Variants in TMEM196 observed in about 807,000 individuals in gnomAD.
The protein encoded by TMEM196 is transmembrane protein 196.
A neutral mutation model predicts 20.0 loss-of-function variants in TMEM196; 17 were observed. The observed-to-expected ratio is 0.85, with a 90% CI of 0.58 to 1.27. The LOEUF is 1.27. Among genes scored for constraint, TMEM196 ranks in the 50% most tolerant of loss-of-function variants. TMEM196 has a pLI of 0.00. For synonymous variants in TMEM196, 113 were observed against 88.9 expected (o/e 1.27, Z -1.52); for missense variants, 267 against 223.0 (o/e 1.20, Z -1.26).
intron 1 of TMEM196, among the ~76,000 whole-genome samples, chr7:19,750,365 A>T (rs1354134116): frequency 1.3e-5 from 2 of 152,262 alleles, no homozygotes; most frequent in African/African-American, 4.8e-5. Flanking sequence ...TTTGGCAGTT[A>T]AAAATGAAAC....
intron 2 of TMEM196, among the ~76,000 whole-genome samples, chr7:19,728,509 G>C (rs1232145610): frequency 6.6e-6 from 1 of 152,160 alleles, no homozygotes; most frequent in African/African-American, 2.4e-5. Flanking sequence ...CACGAAGAAA[G>C]ATGTGATTAG....
rs1032226527 is a variant in TMEM196, at chr7:19,764,820, C to T, written c.147+7730G>A. Among the ~76,000 whole-genome samples the T allele has an allele frequency of 3.3e-5, 5 of 152,194 alleles. No individual in the cohort carries two copies. In the East Asian group the frequency reaches 5.8e-4, roughly 18 times the overall value. The stretch of plus-strand genomic sequence containing the variant: ...GATTGATTGACTGTGCTAGTCTCTT[C>T]CGGAAAATAGATAAAAAGAATGATT... On this transcript the variant is annotated intron_variant, in intron 1 of 4. Coordinates refer to ENST00000405844, the MANE Select transcript of TMEM196 (RefSeq NM_001363562.2).
chr7:19,764,837 A>G (rs1583461648), intron 1 of TMEM196, among the ~76,000 whole-genome samples: 2 of 152,292 alleles, frequency 1.3e-5, no homozygotes, highest in South Asian at 4.1e-4. Context: ...ATAGATAAAA[A>G]GAATGATTGG....
chr7:19,729,134 G>T (rs896789574), intron 2 of TMEM196, among the ~76,000 whole-genome samples: 2 of 152,124 alleles, frequency 1.3e-5, no homozygotes, highest in Non-Finnish European at 2.9e-5. Context: ...GTCATTAAAG[G>T]TTGCATATTC....
intron 1 of TMEM196, 130 bp from the exon 2 acceptor site, chr7:19,729,568 A>T: frequency 1.3e-6 from 1 of 789,670 alleles, no homozygotes. Flanking sequence ...CAAAACCTGG[A>T]GAGGATAAGA....
chr7:19,771,727 G>C (rs1205866943), intron 1 of TMEM196, among the ~76,000 whole-genome samples: 1 of 152,172 alleles, frequency 6.6e-6, no homozygotes, highest in East Asian at 1.9e-4. Context: ...CTTGGTGGAA[G>C]AAATGGGTCT....
intron 4 of TMEM196, among the ~76,000 whole-genome samples, chr7:19,724,077 C>CTTG (rs1783903547): frequency 6.6e-6 from 1 of 152,038 alleles, no homozygotes; most frequent in African/African-American, 2.4e-5. Context: ...ATTTTACATA[C>CTTG]TCAACCAACT....
chr7:19,725,912 ATT>A, intron 2 of TMEM196, 144 bp from the exon 3 acceptor site: 6 of 899,210 alleles, frequency 6.7e-6, no homozygotes, highest in African/African-American at 1.7e-5. Context: ...AGGACAGGAG[ATT>A]TTTTTTTTAC....
intron 1 of TMEM196, among the ~76,000 whole-genome samples, chr7:19,766,518 G>A (rs13231036): frequency 0.24 from 35,674 of 150,216 alleles, 5,397 homozygotes; most frequent in East Asian, 0.6. Flanking sequence ...GTGTGTATGT[G>A]TATATATATA....
chr7:19,768,225 G>A (rs1310873634), intron 1 of TMEM196, among the ~76,000 whole-genome samples: 3 of 151,908 alleles, frequency 2.0e-5, no homozygotes, highest in African/African-American at 7.3e-5. Flanking sequence ...ACTACCTCGT[G>A]GTTTACATGT....
In TMEM196 at chr7:19,720,301, A is replaced by G. The variant is rs1274482296; in HGVS notation, c.*1827T>C. ...TTCTGTTGAATAGATGACAGCCAGA[A>G]TTTTAAGTGAGCTGATTTAAATAGG... On this transcript the variant is annotated 3_prime_UTR_variant, in exon 5 of 5. Transcript: ENST00000405844. 1 of 152,050 alleles carries G rather than the reference A, an allele frequency of 6.6e-6. No individual in the cohort carries two copies. The highest frequency in any genetic ancestry group is 1.5e-5 in the Non-Finnish European group (1 of 67,892). 9.4% of individuals were successfully genotyped at this position (152,050 alleles called of 1,614,324 possible).
At chr7:19,756,899 G>A (rs1317754568) in intron 1 of TMEM196, among the ~76,000 whole-genome samples, 3 of 152,054 alleles carry the variant, frequency 2.0e-5, no homozygotes, top group Admixed American at 2.0e-4. Context: ...ATAGTGTAAA[G>A]CACATCTTAA....
intron 1 of TMEM196, among the ~76,000 whole-genome samples, chr7:19,754,258 C>T (rs1040052877): frequency 2.6e-5 from 4 of 152,182 alleles, no homozygotes; most frequent in South Asian, 4.1e-4. Context: ...TGGAAGAATT[C>T]AAGTGCTCGC....
chr7:19,761,499 C>T (rs182439060), intron 1 of TMEM196, among the ~76,000 whole-genome samples: 2,373 of 146,152 alleles, frequency 0.016, 53 homozygotes, highest in African/African-American at 0.06. Flanking sequence ...AAATAAAATC[C>T]CAATAAAATG....
At chr7:19,739,467 T>G (rs1333401845) in intron 1 of TMEM196, among the ~76,000 whole-genome samples, 1 of 152,124 alleles carries the variant, frequency 6.6e-6, no homozygotes, top group Non-Finnish European at 1.5e-5. Flanking sequence ...AGTGACCTTA[T>G]AAAGGAGGCC....
chr7:19,739,524 A>C (rs1784515541), intron 1 of TMEM196, among the ~76,000 whole-genome samples: 1 of 152,124 alleles, frequency 6.6e-6, no homozygotes, highest in Admixed American at 6.6e-5. Flanking sequence ...CACAGCTAGA[A>C]GTTGCCATCT....
At chr7:19,740,148 G>C (rs1415632904) in intron 1 of TMEM196, among the ~76,000 whole-genome samples, 1 of 152,102 alleles carries the variant, frequency 6.6e-6, no homozygotes, top group African/African-American at 2.4e-5. Flanking sequence ...TAAATTTAAA[G>C]GCATTCTTTG....
intron 3 of TMEM196, 33 bp downstream of exon 3, chr7:19,725,481 G>A: frequency 6.3e-7 from 1 of 1,584,186 alleles, no homozygotes; most frequent in Non-Finnish European, 8.6e-7. Flanking sequence ...TTCATCATGT[G>A]CTAGCAGTGA....
At chr7:19,763,065 T>C (rs1478645206) in intron 1 of TMEM196, among the ~76,000 whole-genome samples, 1 of 152,214 alleles carries the variant, frequency 6.6e-6, no homozygotes, top group African/African-American at 2.4e-5. Context: ...ACCTTCTCTG[T>C]GCCTGGGTGT....
Sources: allele counts gnomAD v4.1 joint callset (sites outside exome capture counted in the v4.1 genomes callset), GRCh38; gene constraint gnomAD v4.1.1; transcripts MANE v1.5; gene names NCBI Gene and HGNC (gene_info 2026-07-23, HGNC 2026-07-21).